The following CUBN variants were observed in gnomAD, a reference collection of about 807,000 sequenced individuals.
CUBN encodes the protein 460 kDa receptor.
In CUBN, 282 loss-of-function variants were observed where a neutral mutation model predicts 405.3. The ratio of observed to expected loss-of-function variants is 0.70; its 90% confidence interval spans 0.63 to 0.77. The LOEUF is 0.77. CUBN is among the 30% of genes least tolerant of loss of function. The pLI, the probability that CUBN is intolerant of heterozygous loss-of-function variation, is 0.00. For missense variants in CUBN, 4,514 were observed against 4,475.2 expected (o/e 1.01, Z -0.25); for synonymous variants, 1,684 against 1,617.0 (o/e 1.04, Z -0.99).
chr10:16,909,543 C>A (rs1306156941), intron 48 of CUBN, among the ~76,000 whole-genome samples: 1 of 152,122 alleles, frequency 6.6e-6, no homozygotes, highest in Non-Finnish European at 1.5e-5. Flanking sequence ...GGAATGGGCA[C>A]CACATTGATG....
At chr10:16,983,272 C>CTGTGTG (rs372547135) in intron 30 of CUBN, among the ~76,000 whole-genome samples, 9 of 150,834 alleles carry the variant, frequency 6.0e-5, no homozygotes, top group African/African-American at 2.2e-4. Flanking sequence ...ATGTGTGTGT[C>CTGTGTG]TGTGTGTGTG....
intron 8 of CUBN, among the ~76,000 whole-genome samples, chr10:17,112,120 T>C (rs138521449): frequency 6.6e-6 from 1 of 152,340 alleles, no homozygotes; most frequent in African/African-American, 2.4e-5. Context: ...ATTCAATGGT[T>C]GTAGATTTAT....
chr10:16,922,622 G>A (rs565118930), intron 43 of CUBN, among the ~76,000 whole-genome samples: 5 of 152,186 alleles, frequency 3.3e-5, no homozygotes, highest in African/African-American at 1.2e-4. Context: ...TCACTATTAT[G>A]TTTATCTCTT....
chr10:17,032,838 T>A (rs1834814562), intron 27 of CUBN, among the ~76,000 whole-genome samples: 1 of 152,220 alleles, frequency 6.6e-6, no homozygotes, highest in Admixed American at 6.5e-5. Context: ...TAATCTCCCC[T>A]GGTGGTTTTC....
At chr10:16,949,617 T>A (rs892639881) in intron 34 of CUBN, among the ~76,000 whole-genome samples, 2 of 152,044 alleles carry the variant, frequency 1.3e-5, no homozygotes, top group Non-Finnish European at 2.9e-5. Context: ...TTTTTTCGCT[T>A]CCACTAAGGA....
chr10:16,918,738 T>C lies in CUBN; in HGVS notation c.6884A>G (p.Lys2295Arg), dbSNP rs1177098694. 1.2e-6 allele frequency: 2 copies of C among 1,613,824 alleles called. No homozygotes were observed. Among genetic ancestry groups the C allele is most frequent in the African/African-American group, 1.3e-5 (1 of 74,904 alleles). The stretch of plus-strand genomic sequence containing the variant: ...GCTGGGCAAAGATGTCCCACAAAAT[T>C]TGGAAAGTATTGGTGCATCCGAATC... ...GVDSDAPILSKFCGTSLPSSQ... is the reference protein window; with the variant it reads ...GVDSDAPILSRFCGTSLPSSQ... The change falls in exon 45 of 67, where the codon AAA (lysine) becomes AGA (arginine). Residue 2295 changes from lysine (K) to arginine (R), a missense_variant. Transcript: ENST00000377833.
At chr10:16,956,897 G>A (rs1347441440) in intron 31 of CUBN, among the ~76,000 whole-genome samples, 1 of 151,918 alleles carries the variant, frequency 6.6e-6, no homozygotes, top group Non-Finnish European at 1.5e-5. Context: ...TTTAAGTGAT[G>A]CATAATAATT....
At chr10:16,940,708 C>T (rs538807652) in intron 36 of CUBN, among the ~76,000 whole-genome samples, 24 of 152,042 alleles carry the variant, frequency 1.6e-4, no homozygotes, top group South Asian at 1.2e-3. Flanking sequence ...CAGAGAAGGG[C>T]GGGACATATT....
intron 55 of CUBN, among the ~76,000 whole-genome samples, chr10:16,889,275 A>G (rs1255903997): frequency 6.6e-6 from 1 of 152,146 alleles, no homozygotes; most frequent in Non-Finnish European, 1.5e-5. Context: ...CAGACCTAAG[A>G]TTTGGTCTAG....
intron 28 of CUBN, among the ~76,000 whole-genome samples, chr10:16,996,270 A>G (rs771045330): frequency 6.6e-6 from 1 of 152,228 alleles, no homozygotes; most frequent in Non-Finnish European, 1.5e-5. Context: ...CCTGAAGAGA[A>G]GCCTATGTTT....
intron 6 of CUBN, among the ~76,000 whole-genome samples, chr10:17,117,368 T>C (rs921713615): frequency 2.2e-4 from 34 of 152,096 alleles, no homozygotes; most frequent in Middle Eastern, 3.2e-3. Context: ...TAAGAATCTT[T>C]TTTATTTTTG....
chr10:16,942,825 GA>G (rs1842687399), intron 36 of CUBN, among the ~76,000 whole-genome samples: 1 of 141,190 alleles, frequency 7.1e-6, no homozygotes, highest in African/African-American at 2.6e-5. Flanking sequence ...GAAGGGAAGG[GA>G]AAAGGAAGGG....
intron 58 of CUBN, among the ~76,000 whole-genome samples, chr10:16,873,666 G>A (rs1409382916): frequency 1.3e-5 from 2 of 148,760 alleles, no homozygotes; most frequent in African/African-American, 2.5e-5. Flanking sequence ...AGGTTGCAGT[G>A]AGCCGAGATT....
At position 16,958,827 on chromosome 10, in the gene CUBN, T is replaced by A. The variant is rs150008660; in HGVS notation, c.4696-4279A>T. On this transcript the variant is annotated intron_variant, in intron 31 of 66. Coordinates refer to ENST00000377833, the MANE Select transcript of CUBN (RefSeq NM_001081.4). ...CTCATGACACACCTCAGTCTGCTTC[T>A]TTGTGATACCATAGAATACCTGAGG... Among the ~76,000 whole-genome samples the A allele has an allele frequency of 2.7e-3, 417 of 152,338 alleles. 4 individuals carry two copies. The highest frequency in any genetic ancestry group is 5.0e-4 in the Non-Finnish European group (34 of 68,034).
In CUBN at chr10:17,105,548, G is replaced by C; in HGVS notation, c.1139C>G (p.Pro380Arg). Reference protein sequence around the residue: ...LGSLPLCTCLPGYTGNGYGPN... With the variant: ...LGSLPLCTCLRGYTGNGYGPN... ...CCCATAACCATTTCCAGTATAACCC[G>C]GGAGACACGTGCAGAGAGGTAAGGA... Residue 380 changes from proline to arginine, a missense_variant, in exon 11 of 67, where the codon CCG becomes CGG. Transcript: ENST00000377833. 1 of 1,609,010 alleles carries C rather than the reference G, an allele frequency of 6.2e-7. No individual in the cohort carries two copies. Among genetic ancestry groups the C allele is most frequent in the Non-Finnish European group, 8.5e-7 (1 of 1,175,322 alleles).
chr10:17,087,466 CTTTTTCTTT>C (rs1222715429), intron 15 of CUBN, among the ~76,000 whole-genome samples: 8 of 79,790 alleles, frequency 1.0e-4, no homozygotes, highest in East Asian at 7.6e-4. Context: ...TATTATTTTT[CTTTTTCTTT>C]TTTTTTTTTT....
chr10:17,120,080 G>A (rs138705836), intron 6 of CUBN, among the ~76,000 whole-genome samples: 178 of 152,336 alleles, frequency 1.2e-3, no homozygotes, highest in African/African-American at 4.2e-3. Flanking sequence ...TGCAGGTCCA[G>A]ATGATTCTGA....
intron 31 of CUBN, among the ~76,000 whole-genome samples, chr10:16,964,287 C>A (rs1436848137): frequency 2.0e-5 from 3 of 152,096 alleles, no homozygotes; most frequent in Admixed American, 6.6e-5. Flanking sequence ...AAAGAAAAAA[C>A]CCATTAATAA....
At chr10:17,071,757 A>G in intron 18 of CUBN, 70 bp downstream of exon 18, 1 of 1,557,182 alleles carries the variant, frequency 6.4e-7, no homozygotes, top group Non-Finnish European at 8.8e-7. Context: ...TAAAATGACT[A>G]AATTATTTTG....
Sources: gnomAD v4.1 joint callset for allele counts (sites outside exome capture counted in the v4.1 genomes callset) on GRCh38, gnomAD v4.1.1 for gene constraint, MANE v1.5 for transcripts, NCBI Gene and HGNC (gene_info 2026-07-23, HGNC 2026-07-21) for gene names.